The following ADAMTS14 variants were observed in gnomAD, a reference collection of about 807,000 sequenced individuals.
ADAMTS14 encodes the protein ADAM metallopeptidase with thrombospondin type 1 motif 14.
A neutral mutation model predicts 128.6 loss-of-function variants in ADAMTS14; 100 were observed. The observed-to-expected ratio is 0.78, with a 90% confidence interval of 0.66 to 0.92. The LOEUF is 0.92. Ranked by LOEUF, ADAMTS14 falls within the 40% of genes least tolerant of loss-of-function variation. The pLI is 0.00. For missense variants in ADAMTS14, 1,562 were observed against 1,658.6 expected (o/e 0.94, Z 1.01); for synonymous variants, 665 against 653.8 (o/e 1.02, Z -0.26).
chr10:70,674,361 C>A (rs78576971), intron 1 of ADAMTS14, among the ~76,000 whole-genome samples, 195 bp from the exon 2 acceptor site: 1 of 152,152 alleles, frequency 6.6e-6, no homozygotes, highest in Admixed American at 6.5e-5. Flanking sequence ...ACAAGGTACC[C>A]GAACACCCTT....
intron 4 of ADAMTS14, among the ~76,000 whole-genome samples, chr10:70,710,278 C>G (rs1840807351): frequency 6.6e-6 from 1 of 152,218 alleles, no homozygotes; most frequent in Non-Finnish European, 1.5e-5. Context: ...AATGGCTCAT[C>G]ATAAACATTC....
intron 16 of ADAMTS14, 49 bp downstream of exon 16, chr10:70,750,034 C>T: frequency 1.9e-6 from 3 of 1,596,540 alleles, no homozygotes; most frequent in East Asian, 2.2e-5. Flanking sequence ...CCACTTGTCC[C>T]CTTAGCTCGC....
chr10:70,735,142 G>A, intron 8 of ADAMTS14, 27 bp from the exon 9 acceptor site: 1 of 1,599,478 alleles, frequency 6.3e-7, no homozygotes, highest in Non-Finnish European at 8.6e-7. Flanking sequence ...TGTCAGCCTG[G>A]CTCACCTTCC....
rs1841737204 is a variant in ADAMTS14, at chr10:70,733,972, C to T, written c.1296C>T (p.Ala432=). The part of the protein sequence containing the change: ...GSVMAPLVQA[A]FHRFHWSRCS... ...TCATGGCGCCCCTGGTGCAGGCTGC[C>T]TTCCACCGCTTCCATTGGTCCCGCT... The change falls in exon 8 of 22, where the codon GCC becomes GCT. Residue 432 remains alanine (A), a synonymous_variant. Coordinates refer to ENST00000373207, the MANE Select transcript of ADAMTS14 (RefSeq NM_080722.4). 2 of 1,613,860 alleles carry T rather than the reference C, an allele frequency of 1.2e-6. No individual in the cohort carries two copies. The highest frequency in any genetic ancestry group is 1.7e-6 in the Non-Finnish European group (2 of 1,179,998).
intron 4 of ADAMTS14, among the ~76,000 whole-genome samples, chr10:70,722,232 C>T (rs1208726801): frequency 1.3e-5 from 2 of 152,136 alleles, no homozygotes; most frequent in African/African-American, 4.8e-5. Context: ...GCAGAGTCAC[C>T]TTGTGCCTTG....
At chr10:70,698,552 TAGG>T (rs1421450453) in intron 2 of ADAMTS14, among the ~76,000 whole-genome samples, 1 of 152,182 alleles carries the variant, frequency 6.6e-6, no homozygotes, top group Non-Finnish European at 1.5e-5. Context: ...CTTCTCTGTC[TAGG>T]AGGAGAGTCT....
At chr10:70,705,046 C>A (rs1840618377) in intron 3 of ADAMTS14, among the ~76,000 whole-genome samples, 2 of 152,070 alleles carry the variant, frequency 1.3e-5, no homozygotes, top group South Asian at 4.1e-4. Context: ...CAAACACACT[C>A]ATACACACAC....
At chr10:70,735,030 T>A in intron 8 of ADAMTS14, 139 bp from the exon 9 acceptor site, 1 of 1,139,566 alleles carries the variant, frequency 8.8e-7, no homozygotes, top group Non-Finnish European at 1.2e-6. Context: ...CCGTCCTCCC[T>A]GGAAGAGACA....
intron 2 of ADAMTS14, among the ~76,000 whole-genome samples, chr10:70,689,889 G>T (rs748193318): frequency 5.5e-5 from 8 of 145,114 alleles, no homozygotes; most frequent in Non-Finnish European, 1.3e-4. Flanking sequence ...TCACTCAAAT[G>T]TCACCTTCAG....
At chr10:70,717,583 G>A (rs1046738482) in intron 4 of ADAMTS14, among the ~76,000 whole-genome samples, 2 of 152,180 alleles carry the variant, frequency 1.3e-5, no homozygotes, top group African/African-American at 2.4e-5. Flanking sequence ...GGTTCCCAGG[G>A]TCCTCTCCTG....
At chr10:70,723,326 A>T (rs915450355) in intron 4 of ADAMTS14, among the ~76,000 whole-genome samples, 2 of 152,192 alleles carry the variant, frequency 1.3e-5, no homozygotes, top group Non-Finnish European at 2.9e-5. Context: ...GGAATGTGGC[A>T]CCCTGGATGG....
rs138392873 is a variant in ADAMTS14, at chr10:70,674,600, C to T, written c.127C>T (p.Pro43Ser). 1.9e-6 allele frequency: 3 copies of T among 1,613,942 alleles called. No individual in the cohort carries two copies. The highest frequency in any genetic ancestry group is 2.5e-6 in the Non-Finnish European group (3 of 1,179,996). ...GCTCAGTGACTATGGTGTGACAGTGCCCTGCAGCACAGACTTTCGGGGACG... is the reference window on the plus strand; with the variant it reads ...GCTCAGTGACTATGGTGTGACAGTGTCCTGCAGCACAGACTTTCGGGGACG... ...GKLSDYGVTV[P>S]CSTDFRGRFL... The change falls in exon 2 of 22, where the codon CCC becomes TCC. Residue 43 changes from proline (P) to serine (S), a missense_variant. Coordinates refer to ENST00000373207, the MANE Select transcript of ADAMTS14 (RefSeq NM_080722.4).
chr10:70,705,204 C>T (rs1840624285), intron 3 of ADAMTS14, among the ~76,000 whole-genome samples: 2 of 152,352 alleles, frequency 1.3e-5, no homozygotes, highest in East Asian at 3.9e-4. Flanking sequence ...CCACCAGGCT[C>T]AAGCTGGCCC....
At chr10:70,752,350 A>G in intron 18 of ADAMTS14, 123 bp downstream of exon 18, 1 of 1,380,298 alleles carries the variant, frequency 7.2e-7, no homozygotes, top group Admixed American at 2.7e-5. Context: ...TACAGGCAAC[A>G]CAACTTTCAG....
Position 70,758,094 on chromosome 10 carries a change from G to A in ADAMTS14, c.3067+3G>A, listed in dbSNP as rs555733888. 2 of 1,612,340 alleles carry A rather than the reference G, an allele frequency of 1.2e-6. No individual in the cohort carries two copies. The highest frequency in any genetic ancestry group is 8.5e-7 in the Non-Finnish European group (1 of 1,179,094). On this transcript the variant is annotated splice_donor_region_variant and intron_variant, in intron 20 of 21. Coordinates refer to ENST00000373207, the MANE Select transcript of ADAMTS14 (RefSeq NM_080722.4). ...CTGCAGCCTGCCCGCCTGTGGAGGT[G>A]AGCCAGAGGGGATGGGGAGGCCAGG...
At chr10:70,701,013 C>T (rs1840477680) in intron 2 of ADAMTS14, among the ~76,000 whole-genome samples, 1 of 152,214 alleles carries the variant, frequency 6.6e-6, no homozygotes, top group South Asian at 2.1e-4. Flanking sequence ...TCCCTGGGAA[C>T]ATTTCTTGGC....
chr10:70,708,859 T>C, intron 4 of ADAMTS14, 81 bp downstream of exon 4: 1 of 1,139,864 alleles, frequency 8.8e-7, no homozygotes, highest in Non-Finnish European at 1.2e-6. Context: ...CCAGTGCTGA[T>C]CCAAGTGGAA....
chr10:70,752,047 TG>T (rs1564559247), intron 17 of ADAMTS14, 47 bp from the exon 18 acceptor site: 2 of 1,577,198 alleles, frequency 1.3e-6, no homozygotes, highest in Non-Finnish European at 1.7e-6. Context: ...ACCAGGGCAA[TG>T]GGGGGCCTGG....
intron 2 of ADAMTS14, among the ~76,000 whole-genome samples, chr10:70,685,471 G>A (rs17600433): frequency 0.18 from 26,891 of 152,166 alleles, 2,926 homozygotes; most frequent in Middle Eastern, 0.26. Context: ...TCCACCATTC[G>A]CCCTGACTTT....
Sources: allele counts gnomAD v4.1 joint callset (sites outside exome capture counted in the v4.1 genomes callset), GRCh38; gene constraint gnomAD v4.1.1; transcripts MANE v1.5; gene names NCBI Gene and HGNC (gene_info 2026-07-23, HGNC 2026-07-21).